The following TECTA variants were observed in gnomAD, a reference collection of about 807,000 sequenced individuals.
TECTA encodes tectorin alpha, also known as alpha-tectorin.
In TECTA, 128 loss-of-function variants were observed where a neutral mutation model predicts 216.8. That is an observed-to-expected ratio of 0.59 (90% confidence interval 0.51 to 0.68). The LOEUF (loss-of-function observed/expected upper bound fraction) is 0.68. TECTA is among the 30% of genes least tolerant of loss of function. TECTA has a pLI of 0.00. For synonymous variants in TECTA, 1,089 were observed against 1,117.1 expected (o/e 0.97, Z 0.50); for missense variants, 2,551 against 2,786.2 (o/e 0.92, Z 1.90).
intron 20 of TECTA, among the ~76,000 whole-genome samples, chr11:121,169,309 T>C (rs1431650836): frequency 6.6e-6 from 1 of 152,290 alleles, no homozygotes; most frequent in African/African-American, 2.4e-5. Context: ...GAACAAGGCA[T>C]CTATAAAAAT....
chr11:121,112,925 G>A (rs1248593453), intron 4 of TECTA, 147 bp from the exon 5 acceptor site: 4 of 921,050 alleles, frequency 4.3e-6, no homozygotes, highest in Non-Finnish European at 6.7e-6. Flanking sequence ...AACAAATTCA[G>A]AGAGGAGTCA....
chr11:121,144,098 G>A (rs1946811239), intron 11 of TECTA, among the ~76,000 whole-genome samples: 1 of 152,176 alleles, frequency 6.6e-6, no homozygotes, highest in Admixed American at 6.5e-5. Context: ...GAAATGGCAG[G>A]GTGGAATGTC....
chr11:121,157,849 G>C lies in TECTA; in HGVS notation c.4314G>C (p.Gln1438His). The C allele has an allele frequency of 1.2e-6, 2 of 1,614,102 alleles. No individual in the cohort carries two copies. The highest frequency in any genetic ancestry group is 1.7e-6 in the Non-Finnish European group (2 of 1,180,042). Reference protein sequence around the residue: ...YSDGKYYEPKQLFWNSDCTRR... With the variant: ...YSDGKYYEPKHLFWNSDCTRR... ...CGGCGCCTCTCTTCCAGCCCAAGCA[G>C]CTATTTTGGAACAGCGACTGCACGC... Residue 1438 changes from glutamine (Q) to histidine (H), a missense_variant, in exon 14 of 24, where the codon CAG (glutamine) becomes CAC (histidine). Gln to His is a conservative substitution (Grantham distance 24). This residue lies in a region of TECTA where 2,375 missense variants were observed against 2,563.9 expected (regional missense o/e 0.93). Transcript: ENST00000392793.
intron 16 of TECTA, among the ~76,000 whole-genome samples, chr11:121,163,286 A>C (rs1947019064): frequency 6.6e-6 from 1 of 152,214 alleles, no homozygotes; most frequent in African/African-American, 2.4e-5. Flanking sequence ...AACTGTTAAC[A>C]AGCAAATTCC....
In TECTA at chr11:121,166,771, C is replaced by T. The variant is rs370609249; in HGVS notation, c.5577C>T (p.Asn1859=). The change falls in exon 18 of 24, where the codon AAC becomes AAT. Residue 1859 remains asparagine (N), a synonymous_variant. Transcript: ENST00000392793. ...QINNTKGNCG[N]IVQSNGTHIM... ...ACAACACCAAAGGGAATTGTGGAAA[C>T]ATTGTGCAGGTGAGAAAAGCAGCAG... 37 of 1,613,848 alleles carry T rather than the reference C, an allele frequency of 2.3e-5. 1 individual carries two copies. Among genetic ancestry groups the T allele is most frequent in the Non-Finnish European group, 2.6e-5 (31 of 1,180,014 alleles).
At chr11:121,137,357 C>A in intron 10 of TECTA, 64 bp from the exon 11 acceptor site, 2 of 1,607,068 alleles carry the variant, frequency 1.2e-6, no homozygotes, top group South Asian at 1.1e-5. Context: ...CATGCATGCA[C>A]GCACACTTCT....
At chr11:121,122,765 A>C (rs1946571385) in intron 7 of TECTA, among the ~76,000 whole-genome samples, 1 of 150,164 alleles carries the variant, frequency 6.7e-6, no homozygotes, top group Non-Finnish European at 1.5e-5. Flanking sequence ...AGATGGGAGG[A>C]TCACTGGAGC....
At position 121,113,055 on chromosome 11, in the gene TECTA, G is replaced by A. The variant is rs766306311; in HGVS notation, c.487-17G>A. On this transcript the variant is annotated splice_polypyrimidine_tract_variant and intron_variant, in intron 4 of 23. Transcript: ENST00000392793. The surrounding 1 kb of genome is among the most constrained non-coding windows in gnomAD (Gnocchi z 4.2). ...TGGGGAGTGCAAGTCATGAGACTGC[G>A]CATTCCCATCCTGTAGGTGAACACC... 2.5e-6 allele frequency: 4 copies of A among 1,613,880 alleles called. No individual in the cohort carries two copies. The South Asian group carries it at 3.3e-5, about 13-fold the overall frequency.
chr11:121,163,042 A>G (rs189972545), intron 16 of TECTA, among the ~76,000 whole-genome samples: 55 of 152,332 alleles, frequency 3.6e-4, no homozygotes, highest in African/African-American at 1.1e-3. Flanking sequence ...ATGTGTGTCC[A>G]TATACATAAA....
At position 121,129,798 on chromosome 11, in the gene TECTA, A is replaced by G. The variant is rs1432736397; in HGVS notation, c.2528A>G (p.Asn843Ser). 10 of 1,614,104 alleles carry G rather than the reference A, an allele frequency of 6.2e-6. No homozygotes were observed. The Admixed American group carries it at 8.3e-5, about 13-fold the overall frequency. Residue 843 changes from asparagine (N) to serine (S), a missense_variant, in exon 10 of 24, where the codon AAT becomes AGT. Asn to Ser is a conservative substitution (Grantham distance 46). This residue lies in a region of TECTA where 2,375 missense variants were observed against 2,563.9 expected (regional missense o/e 0.93). Coordinates refer to ENST00000392793, the MANE Select transcript of TECTA (RefSeq NM_005422.4). Reference sequence around the variant, plus strand: ...ATCCGGCTGTCCACCACATACTTCAATTGCACAGGGGGCTTGTGCGGCTTC... The same window carrying G: ...ATCCGGCTGTCCACCACATACTTCAGTTGCACAGGGGGCTTGTGCGGCTTC... ...LYIRLSTTYF[N>S]CTGGLCGFYN...
At position 121,109,285 on chromosome 11, in the gene TECTA, T is replaced by G; in HGVS notation, c.273T>G (p.Asp91Glu). Reference sequence around the variant, plus strand: ...CGCCAGAATCCTTTCCCCTGACAGATGGGAGAGCCTTCGTCGCCCCATTTT... The same window carrying G: ...CGCCAGAATCCTTTCCCCTGACAGAGGGGAGAGCCTTCGTCGCCCCATTTT... ...QFTPESFPLTDGRAFVAPFWA... is the reference protein window; with the variant it reads ...QFTPESFPLTEGRAFVAPFWA... The change falls in exon 4 of 24, where the codon GAT becomes GAG. Residue 91 changes from aspartate (D) to glutamate (E), a missense_variant. Physicochemically the swap from Asp to Glu is conservative, Grantham distance 45. Transcript: ENST00000392793. The G allele has an allele frequency of 6.2e-7, 1 of 1,614,182 alleles. No individual in the cohort carries two copies. The highest frequency in any genetic ancestry group is 8.5e-7 in the Non-Finnish European group (1 of 1,180,030).
chr11:121,142,269 G>A (rs665743), intron 11 of TECTA, among the ~76,000 whole-genome samples: 48,645 of 152,004 alleles, frequency 0.32, 11,134 homozygotes, highest in African/African-American at 0.65. Context: ...CCTTCTCATC[G>A]TCTTCTGCGA....
rs2135128725 is a variant in TECTA at position 121,165,309 on chromosome 11, G to C, written c.5309G>C (p.Cys1770Ser). 6.2e-7 allele frequency: 1 copy of C among 1,608,690 alleles called. No homozygotes were observed. The highest frequency in any genetic ancestry group is 1.3e-5 in the African/African-American group (1 of 74,978). Residue 1770 changes from cysteine (C) to serine (S), a missense_variant, in exon 17 of 24, where the codon TGT becomes TCT. Transcript: ENST00000392793. ...VVEDPCVGAD[C>S]PNRTCELGNG... ...GAAGATCCCTGTGTGGGGGCGGACT[G>C]TCCCAACCGAACTTGCGAGCTGGGC...
chr11:121,168,262 G>T, intron 19 of TECTA, 45 bp downstream of exon 19: 2 of 1,612,038 alleles, frequency 1.2e-6, no homozygotes, highest in South Asian at 2.2e-5. Context: ...TCTATTCCTT[G>T]ACAGTTAAGG....
chr11:121,177,827 C>T (rs1469755585), intron 20 of TECTA, among the ~76,000 whole-genome samples: 2 of 152,208 alleles, frequency 1.3e-5, no homozygotes, highest in Non-Finnish European at 2.9e-5. Context: ...GTGGTGGGCT[C>T]CACCCAGTTC....
chr11:121,141,726 G>C (rs1444309876), intron 11 of TECTA, among the ~76,000 whole-genome samples: 1 of 152,234 alleles, frequency 6.6e-6, no homozygotes, highest in Non-Finnish European at 1.5e-5. Flanking sequence ...CATCAGAGAA[G>C]AGTAGGGTTT....
Position 121,118,198 on chromosome 11 carries a change from G to T in TECTA, c.791-108G>T, listed in dbSNP as rs1946518353. On this transcript the variant is annotated intron_variant, in intron 6 of 23. Coordinates refer to ENST00000392793, the MANE Select transcript of TECTA (RefSeq NM_005422.4). ...AGGGTGACCATACCTCCCTAACAGG[G>T]TTCTTACGTGGATTAAATGGTATAA... 1.1e-5 allele frequency: 16 copies of T among 1,423,208 alleles called. No individual in the cohort carries two copies. In the South Asian group the frequency reaches 1.7e-4, roughly 15 times the overall value. The allele number at this position is 1,423,208 out of a possible 1,614,324, so 88.2% of individuals were successfully genotyped here.
At position 121,108,438 on chromosome 11, in the gene TECTA, A is replaced by C. The variant is rs1355943425; in HGVS notation, c.199-773A>C. Among the ~76,000 whole-genome samples, 3 of 147,614 alleles carry C rather than the reference A, an allele frequency of 2.0e-5. No individual in the cohort carries two copies. In the East Asian group the frequency reaches 6.1e-4, roughly 30 times the overall value. On this transcript the variant is annotated intron_variant, in intron 3 of 23. Transcript: ENST00000392793. ...TACACAAACATATACATCCCACCTC[A>C]GTAAGCACACACACCCCACCCCTAG...
intron 10 of TECTA, among the ~76,000 whole-genome samples, chr11:121,130,454 T>C (rs1310858520): frequency 4.6e-5 from 7 of 152,228 alleles, no homozygotes; most frequent in Non-Finnish European, 1.0e-4. Context: ...TTAACCATCC[T>C]ATTTGCATGT....
Sources: allele counts gnomAD v4.1 joint callset (sites outside exome capture counted in the v4.1 genomes callset), GRCh38; gene constraint gnomAD v4.1.1; regional missense constraint gnomAD v4.1.1; non-coding constraint Gnocchi (gnomAD v3.1); transcripts MANE v1.5; gene names NCBI Gene and HGNC (gene_info 2026-07-23, HGNC 2026-07-21).